ADGRL2: variants seen among roughly 807,000 people sequenced by gnomAD.
ADGRL2 encodes adhesion G protein-coupled receptor L2.
ADGRL2 carries 44 observed loss-of-function variants against 157.4 expected under a neutral mutation model. That is an observed-to-expected ratio of 0.28 (90% confidence interval 0.22 to 0.36). The LOEUF is 0.36. Ranked by LOEUF, ADGRL2 falls within the 10% of genes least tolerant of loss-of-function variation. The pLI, the probability that ADGRL2 is intolerant of heterozygous loss-of-function variation, is 1.00. For synonymous variants in ADGRL2, 585 were observed against 624.7 expected, an observed-to-expected ratio of 0.94 and a Z score of 0.95; for missense variants, 1,510 against 1,768.9, an observed-to-expected ratio of 0.85 and a Z score of 2.63.
chr1:81,930,055 C>T (rs970455871), intron 3 of ADGRL2, among the ~76,000 whole-genome samples: 3 of 152,122 alleles, frequency 2.0e-5, no homozygotes, highest in African/African-American at 2.4e-5. Flanking sequence ...ACAGCTTCTG[C>T]TTTTAAACAC....
At chr1:81,813,991 G>A (rs1489284444) in intron 1 of ADGRL2, among the ~76,000 whole-genome samples, 1 of 151,656 alleles carries the variant, frequency 6.6e-6, no homozygotes, top group Non-Finnish European at 1.5e-5. Flanking sequence ...AGACTACTGA[G>A]CGATTTTTAA....
At chr1:81,596,475 A>C in intron 3 of ADGRL2, 1 of 451,270 alleles carries the variant, frequency 2.2e-6, no homozygotes, top group African/African-American at 2.0e-5. Context: ...CTCCGGCTCC[A>C]AGGGTGTTTT....
At chr1:81,530,924 A>G (rs2079582304) in intron 2 of ADGRL2, among the ~76,000 whole-genome samples, 1 of 151,698 alleles carries the variant, frequency 6.6e-6, no homozygotes, top group Non-Finnish European at 1.5e-5. Flanking sequence ...CTCTACTAAA[A>G]ACACAAAAAT....
At chr1:81,582,404 A>G (rs895920501) in intron 3 of ADGRL2, among the ~76,000 whole-genome samples, 4 of 152,076 alleles carry the variant, frequency 2.6e-5, no homozygotes, top group Non-Finnish European at 5.9e-5. Context: ...TAATTTAATA[A>G]TAAGTAAAAA....
At chr1:81,531,836 G>A (rs964570662) in intron 2 of ADGRL2, among the ~76,000 whole-genome samples, 4 of 152,180 alleles carry the variant, frequency 2.6e-5, no homozygotes, top group African/African-American at 9.7e-5. Flanking sequence ...AGGAAGGTCA[G>A]TGGACCCCTC....
chr1:81,799,316 G>C (rs747954380), upstream of ADGRL2, among the ~76,000 whole-genome samples: 1 of 150,756 alleles, frequency 6.6e-6, no homozygotes, highest in South Asian at 2.1e-4. Flanking sequence ...GTAGTTTAAA[G>C]CACCAATGCT....
chr1:81,788,494 C>T (rs532765586), intron 2 of ADGRL2, among the ~76,000 whole-genome samples: 1 of 152,282 alleles, frequency 6.6e-6, no homozygotes, highest in Admixed American at 6.5e-5. Context: ...AAACAGATGC[C>T]AGCATCAAGC....
chr1:81,327,549 G>C (rs1021484830), intron 1 of ADGRL2, among the ~76,000 whole-genome samples: 2 of 152,046 alleles, frequency 1.3e-5, no homozygotes, highest in Non-Finnish European at 2.9e-5. Flanking sequence ...TTACACATTA[G>C]CCTTTATCAT....
At chr1:81,668,188 G>A (rs778459846) in intron 3 of ADGRL2, among the ~76,000 whole-genome samples, 42 of 152,068 alleles carry the variant, frequency 2.8e-4, no homozygotes, top group Non-Finnish European at 5.9e-4. Flanking sequence ...TTTGGGGGGC[G>A]AAGTGGGGCG....
At chr1:81,363,826 A>G (rs1356480850) in intron 1 of ADGRL2, among the ~76,000 whole-genome samples, 1 of 152,112 alleles carries the variant, frequency 6.6e-6, no homozygotes, top group Non-Finnish European at 1.5e-5. Flanking sequence ...GCTTCTATAC[A>G]TTGTACTTGG....
intron 1 of ADGRL2, among the ~76,000 whole-genome samples, chr1:81,390,978 A>C (rs1009936140): frequency 1.2e-4 from 18 of 152,280 alleles, no homozygotes; most frequent in African/African-American, 4.3e-4. Flanking sequence ...TCAAAAGATA[A>C]TTCAAATACA....
chr1:81,624,828 C>T (rs1177845263), intron 3 of ADGRL2, among the ~76,000 whole-genome samples: 5 of 152,152 alleles, frequency 3.3e-5, no homozygotes, highest in Non-Finnish European at 7.3e-5. Flanking sequence ...TGTCTCTTAG[C>T]CCCACTCTCC....
chr1:81,806,507 G>T (rs184817297), intron 1 of ADGRL2, among the ~76,000 whole-genome samples: 4 of 151,868 alleles, frequency 2.6e-5, no homozygotes, highest in Non-Finnish European at 5.9e-5. Flanking sequence ...TTAAAATAGC[G>T]TTTTAGTATC....
chr1:81,610,199 A>G (rs1349191868), intron 3 of ADGRL2, among the ~76,000 whole-genome samples: 1 of 151,128 alleles, frequency 6.6e-6, no homozygotes, highest in Non-Finnish European at 1.5e-5. Flanking sequence ...AAGTCCTATA[A>G]AGGAAACAAA....
At chr1:81,574,604 A>G (rs576861222) in intron 2 of ADGRL2, among the ~76,000 whole-genome samples, 1 of 152,268 alleles carries the variant, frequency 6.6e-6, no homozygotes, top group East Asian at 1.9e-4. Flanking sequence ...TATTTCATTC[A>G]TCTCTTATTG....
At chr1:81,422,581 A>G (rs1214923505) in intron 1 of ADGRL2, among the ~76,000 whole-genome samples, 1 of 152,234 alleles carries the variant, frequency 6.6e-6, no homozygotes, top group Non-Finnish European at 1.5e-5. Flanking sequence ...ATTAGTGCCT[A>G]TATACAGTAT....
intron 2 of ADGRL2, among the ~76,000 whole-genome samples, chr1:81,487,701 C>A (rs967915349): frequency 6.6e-6 from 1 of 151,802 alleles, no homozygotes; most frequent in East Asian, 1.9e-4. Context: ...TACTGAAGTA[C>A]AAAGAAGCTA....
In ADGRL2 at chr1:81,624,421, A is replaced by G. The variant is rs1054246930; in HGVS notation, c.-143+43441A>G. Among the ~76,000 whole-genome samples the G allele has an allele frequency of 4.3e-4, 66 of 152,116 alleles. 1 individual carries two copies. The highest frequency in any genetic ancestry group is 1.6e-3 in the African/African-American group (65 of 41,512). ...CAAGGTGAAACCCCATCCCTACTAAAAATACAAAAATTAGCCAGGCGTGGT... is the reference window on the plus strand; with the variant it reads ...CAAGGTGAAACCCCATCCCTACTAAGAATACAAAAATTAGCCAGGCGTGGT... On this transcript the variant is annotated intron_variant, in intron 3 of 24. Transcript: ENST00000370721.
intron 1 of ADGRL2, among the ~76,000 whole-genome samples, chr1:81,428,412 C>A (rs1042082836): frequency 6.6e-6 from 1 of 152,044 alleles, no homozygotes; most frequent in Non-Finnish European, 1.5e-5. Context: ...AAGGAACTTT[C>A]CTTCCACTCC....
Sources: allele counts gnomAD v4.1 joint callset (sites outside exome capture counted in the v4.1 genomes callset), GRCh38; gene constraint gnomAD v4.1.1; transcripts MANE v1.5; gene names NCBI Gene and HGNC (gene_info 2026-07-23, HGNC 2026-07-21).